The following MXD4 variants were observed in gnomAD, a reference collection of about 807,000 sequenced individuals.
MXD4 encodes the protein MAX dimerization protein 4.
In MXD4, 16 loss-of-function variants were observed where a neutral mutation model predicts 24.5. The observed-to-expected ratio is 0.65, with a 90% CI of 0.44 to 0.99. The LOEUF (loss-of-function observed/expected upper bound fraction) is 0.99, where lower values mean the gene tolerates loss of function less well. Ranked by LOEUF, MXD4 falls within the 50% of genes least tolerant of loss-of-function variation. The probability of loss-of-function intolerance (pLI) is 0.00; values close to 1 mark genes in which losing one functional copy is unlikely to be tolerated. For synonymous variants in MXD4, 164 were observed against 134.2 expected (o/e 1.22, Z -1.54); for missense variants, 301 against 301.5 (o/e 1.00, Z 0.01).
chr4:2,250,971 A>G, intron 5 of MXD4, 113 bp downstream of exon 5: 1 of 1,305,454 alleles, frequency 7.7e-7, no homozygotes, highest in Non-Finnish European at 1.0e-6. Context: ...TGCAGCAGGG[A>G]GCTGGGAGGG....
intron 5 of MXD4, 27 bp from the exon 6 acceptor site, chr4:2,250,728 T>G (rs1271393094): frequency 7.5e-6 from 12 of 1,603,036 alleles, no homozygotes; most frequent in Non-Finnish European, 1.0e-5. Flanking sequence ...GGGGATGGGG[T>G]CAGGCCACTC....
Position 2,250,333 on chromosome 4 carries a change from C to T in MXD4, c.*211G>A. On this transcript the variant is annotated 3_prime_UTR_variant, in exon 6 of 6. Coordinates refer to ENST00000337190, the MANE Select transcript of MXD4 (RefSeq NM_006454.3). ...GGATGTGGAAGCTGGGCCCTGCCTC[C>T]TTGCAGGGGACTCTGCCCAGCTGGA... 1.5e-6 allele frequency: 1 copy of T among 652,718 alleles called. No individual in the cohort carries two copies. The highest frequency in any genetic ancestry group is 2.5e-6 in the Non-Finnish European group (1 of 392,778). The allele number at this position is 652,718 out of a possible 1,614,324, so 40.4% of individuals were successfully genotyped here.
intron 3 of MXD4, 96 bp from the exon 4 acceptor site, chr4:2,252,618 C>T (rs372092739): frequency 2.6e-6 from 2 of 775,170 alleles, no homozygotes; most frequent in Non-Finnish European, 2.1e-6. Context: ...CCATCCACTG[C>T]TGCACATGTG....
chr4:2,257,939 G>A, intron 3 of MXD4, 43 bp downstream of exon 3: 1 of 1,612,684 alleles, frequency 6.2e-7, no homozygotes, highest in South Asian at 1.1e-5. Context: ...TAAAAGGGTG[G>A]GCCAGGTGTC....
Position 2,250,414 on chromosome 4 carries a change from A to G in MXD4, c.*130T>C, listed in dbSNP as rs1735292925. On this transcript the variant is annotated 3_prime_UTR_variant, in exon 6 of 6. Transcript: ENST00000337190. ...GCAAGCGGGCAGTGCCAGGCAGCCC[A>G]GCAGCAGCTGGAGCTTCCAGAATGG... 5 of 1,236,622 alleles carry G rather than the reference A, an allele frequency of 4.0e-6. 1 individual carries two copies. The highest frequency in any genetic ancestry group is 5.4e-6 in the Non-Finnish European group (5 of 919,742). 76.6% of individuals were successfully genotyped at this position (1,236,622 alleles called of 1,614,324 possible).
At chr4:2,250,974 T>A (rs947714232) in intron 5 of MXD4, 110 bp downstream of exon 5, 2 of 1,346,830 alleles carry the variant, frequency 1.5e-6, no homozygotes, top group African/African-American at 1.5e-5. Context: ...AGCAGGGAGC[T>A]GGGAGGGTTC....
intron 2 of MXD4, among the ~76,000 whole-genome samples, chr4:2,259,479 C>T (rs1184928802): frequency 6.6e-6 from 1 of 152,188 alleles, no homozygotes; most frequent in Non-Finnish European, 1.5e-5. Flanking sequence ...ATAGGCAGGC[C>T]GCAGGAATGA....
intron 3 of MXD4, among the ~76,000 whole-genome samples, chr4:2,255,617 G>A (rs1333214837): frequency 6.6e-6 from 1 of 151,986 alleles, no homozygotes; most frequent in African/African-American, 2.4e-5. Flanking sequence ...TCCTGAAGCC[G>A]CTGCAGTGCC....
chr4:2,254,382 G>A (rs1299124233), intron 3 of MXD4: 1 of 152,094 alleles, frequency 6.6e-6, no homozygotes, highest in African/African-American at 2.4e-5. Context: ...GCACACAAGA[G>A]ACGACAGAAT....
chr4:2,250,375 G>T lies in MXD4; in HGVS notation c.*169C>A. The T allele has an allele frequency of 3.2e-6, 3 of 929,506 alleles. No homozygotes were observed. Among genetic ancestry groups the T allele is most frequent in the Non-Finnish European group, 4.7e-6 (3 of 641,516 alleles). 57.6% of individuals were successfully genotyped at this position (929,506 alleles called of 1,614,324 possible). A position where few individuals can be genotyped will look rare whatever the true frequency, so the allele number is the denominator to read the frequency against. ...CCAGCTGGAAGGGGCAGGCAGCTCG[G>T]CAGGCCCTGACCGGCAAGCGGGCAG... On this transcript the variant is annotated 3_prime_UTR_variant, in exon 6 of 6. Coordinates refer to ENST00000337190, the MANE Select transcript of MXD4 (RefSeq NM_006454.3).
intron 2 of MXD4, chr4:2,259,051 G>A (rs1157621231): frequency 2.3e-6 from 1 of 443,952 alleles, no homozygotes; most frequent in East Asian, 7.2e-5. Context: ...GGCCTCCCAG[G>A]ATGCCGCTGC....
intron 3 of MXD4, 162 bp from the exon 4 acceptor site, chr4:2,252,684 C>A (rs981834960): frequency 1.7e-6 from 1 of 579,582 alleles, no homozygotes; most frequent in Admixed American, 3.1e-5. Flanking sequence ...CCCCGTCCCC[C>A]ACCCCCAGGA....
intron 4 of MXD4, among the ~76,000 whole-genome samples, chr4:2,251,840 G>A (rs1735329963): frequency 1.3e-5 from 2 of 152,212 alleles, no homozygotes; most frequent in African/African-American, 4.8e-5. Flanking sequence ...GGCCCTCAGA[G>A]CAGATAGAGA....
chr4:2,255,115 G>A (rs1020492992), intron 3 of MXD4: 4 of 366,622 alleles, frequency 1.1e-5, no homozygotes, highest in Middle Eastern at 4.0e-4. Flanking sequence ...GGGATGAGAA[G>A]GTGGAGGAGT....
chr4:2,258,076 T>A (rs752205168), intron 2 of MXD4, 65 bp from the exon 3 acceptor site: 68 of 1,601,822 alleles, frequency 4.2e-5, no homozygotes, highest in Non-Finnish European at 5.1e-5. Flanking sequence ...CAGAGAGCAG[T>A]GCTCTCCTAG....
rs1224648956 is a variant in MXD4 at position 2,248,361 on chromosome 4, G to A, written c.*2183C>T. On this transcript the variant is annotated 3_prime_UTR_variant, in exon 6 of 6. Transcript: ENST00000337190. ...GGTGGATTCTGCTGGTCAGAGATGAGAGCAGAAGCCCCTAGCTGCCTCAGG... is the reference window on the plus strand; with the variant it reads ...GGTGGATTCTGCTGGTCAGAGATGAAAGCAGAAGCCCCTAGCTGCCTCAGG... The A allele has an allele frequency of 6.6e-6, 1 of 152,478 alleles. No homozygotes were observed. Among genetic ancestry groups the A allele is most frequent in the African/African-American group, 2.4e-5 (1 of 41,474 alleles). The allele number at this position is 152,478 out of a possible 1,614,324, so 9.4% of individuals were successfully genotyped here. A position where few individuals can be genotyped will look rare whatever the true frequency, so the allele number is the denominator to read the frequency against.
Position 2,247,647 on chromosome 4 carries a change from TGCAG to T in MXD4, c.*2893_*2896del, listed in dbSNP as rs1268841379. On this transcript the variant is annotated 3_prime_UTR_variant, in exon 6 of 6. Transcript: ENST00000337190. ...GCTGGCCGAGGGTCAGGGTCCTCTG[TGCAG>T]GCAGTGGGGAGGGGGTCCCAGGTTC... 1 of 152,178 alleles carries T rather than the reference TGCAG, an allele frequency of 6.6e-6. No individual in the cohort carries two copies. The highest frequency in any genetic ancestry group is 2.4e-5 in the African/African-American group (1 of 41,402). 9.4% of individuals were successfully genotyped at this position (152,178 alleles called of 1,614,324 possible). A position where few individuals can be genotyped will look rare whatever the true frequency, so the allele number is the denominator to read the frequency against.
intron 2 of MXD4, 110 bp from the exon 3 acceptor site, chr4:2,258,121 C>A: frequency 7.2e-7 from 1 of 1,387,516 alleles, no homozygotes; most frequent in South Asian, 1.3e-5. Context: ...CTGGCTGTGT[C>A]TGGGTCCTGG....
intron 3 of MXD4, 76 bp from the exon 4 acceptor site, chr4:2,252,598 CCCACCCCCACCAT>C: frequency 1.1e-6 from 1 of 919,958 alleles, no homozygotes; most frequent in South Asian, 1.5e-5. Context: ...CCTGCACAGA[CCCACCCCCACCAT>C]CCACTGCTGC....
Sources: allele counts gnomAD v4.1 joint callset (sites outside exome capture counted in the v4.1 genomes callset), GRCh38; gene constraint gnomAD v4.1.1; transcripts MANE v1.5; gene names NCBI Gene and HGNC (gene_info 2026-07-23, HGNC 2026-07-21).